The following ELAC2 variants were observed in gnomAD, a reference collection of about 807,000 sequenced individuals.
The protein encoded by ELAC2 is zinc phosphodiesterase ELAC protein 2.
Under a neutral mutation model 105.2 loss-of-function variants are expected in ELAC2, and 92 were observed. The observed-to-expected ratio is 0.87, with a 90% CI of 0.74 to 1.04. The LOEUF is 1.04. ELAC2 is among the 50% of genes least tolerant of loss of function. The pLI is 0.00. For synonymous variants in ELAC2, 468 were observed against 409.1 expected, an observed-to-expected ratio of 1.14 and a Z score of -1.74; for missense variants, 1,099 against 1,071.7, an observed-to-expected ratio of 1.03 and a Z score of -0.36.
In ELAC2 at chr17:12,996,681, C is replaced by G. The variant is rs149866327; in HGVS notation, c.1525G>C (p.Asp509His). The change falls in exon 17 of 24, where the codon GAC becomes CAC. Residue 509 changes from aspartate to histidine, a missense_variant. Coordinates refer to ENST00000338034, the MANE Select transcript of ELAC2 (RefSeq NM_018127.7). ...VSATLVNISP[D>H]TSLLLDCGEG... is the part of the protein sequence containing the mutation. Reference sequence around the variant, plus strand: ...CCACAGTCCAGTAGCAGAGACGTGTCGGGGCTGCAGAAGAGAAGAGGAAGA... The same window carrying G: ...CCACAGTCCAGTAGCAGAGACGTGTGGGGGCTGCAGAAGAGAAGAGGAAGA... 6.2e-7 allele frequency: 1 copy of G among 1,613,264 alleles called. No individual in the cohort carries two copies. Among genetic ancestry groups the G allele is most frequent in the Non-Finnish European group, 8.5e-7 (1 of 1,179,794 alleles).
intron 15 of ELAC2, among the ~76,000 whole-genome samples, chr17:12,999,787 T>C (rs2040675236): frequency 1.3e-5 from 2 of 152,206 alleles, no homozygotes; most frequent in South Asian, 2.1e-4. Flanking sequence ...GTCTCCCGAG[T>C]AGCTGGGACT....
chr17:13,007,364 G>T (rs2041168403), intron 8 of ELAC2, among the ~76,000 whole-genome samples: 1 of 152,112 alleles, frequency 6.6e-6, no homozygotes, highest in Admixed American at 6.5e-5. Context: ...GTAGGGCTGA[G>T]TCTCAAATTT....
chr17:13,009,580 A>G (rs77805960), intron 8 of ELAC2, among the ~76,000 whole-genome samples: 13,021 of 152,298 alleles, frequency 0.085, 769 homozygotes, highest in Middle Eastern at 0.19. Context: ...AGGGGAATGA[A>G]ATAAAGTAAA....
chr17:13,003,799 G>A lies in ELAC2; in HGVS notation c.984-225C>T, dbSNP rs921262951. 7 of 572,802 alleles carry A rather than the reference G, an allele frequency of 1.2e-5. No individual in the cohort carries two copies. In the African/African-American group the frequency reaches 1.3e-4, roughly 11 times the overall value. 35.5% of individuals were successfully genotyped at this position (572,802 alleles called of 1,614,324 possible). On this transcript the variant is annotated intron_variant, in intron 11 of 23. Transcript: ENST00000338034. ...TCCTGTATCTGGCAAGCTCTGCTCT[G>A]GGCTTTCCAGTAGGCCTGGCTGATC...
At chr17:13,015,696 A>G in intron 4 of ELAC2, 72 bp downstream of exon 4, 2 of 1,394,156 alleles carry the variant, frequency 1.4e-6, no homozygotes, top group Non-Finnish European at 2.0e-6. Flanking sequence ...TGATTTGCAA[A>G]AAGGAAAATT....
intron 17 of ELAC2, 158 bp from the exon 18 acceptor site, chr17:12,996,136 C>T (rs1031375358): frequency 1.1e-5 from 9 of 815,224 alleles, no homozygotes; most frequent in South Asian, 1.5e-5. Context: ...GAGCCCCCTG[C>T]GCCATGGCCC....
In ELAC2 at chr17:12,992,320, GC is replaced by G. The variant is rs1343570914; in HGVS notation, c.*497del. On this transcript the variant is annotated 3_prime_UTR_variant, in exon 24 of 24. Transcript: ENST00000338034. ...CAGCTGCCACACTACAGCACAGAGA[GC>G]CTTCTCCAAGGTGGTGCACAGCAGA... The G allele has an allele frequency of 1.2e-5, 3 of 260,420 alleles. No individual in the cohort carries two copies. The highest frequency in any genetic ancestry group is 6.5e-5 in the African/African-American group (3 of 45,950). The allele number at this position is 260,420 out of a possible 1,614,324, so 16.1% of individuals were successfully genotyped here.
chr17:12,997,445 A>G (rs2040532941), intron 16 of ELAC2, among the ~76,000 whole-genome samples: 1 of 152,072 alleles, frequency 6.6e-6, no homozygotes, highest in Non-Finnish European at 1.5e-5. Context: ...CTTCTGGGGG[A>G]AAAAGGAGTC....
intron 4 of ELAC2, among the ~76,000 whole-genome samples, chr17:13,015,391 A>C (rs139903075): frequency 6.6e-6 from 1 of 152,356 alleles, no homozygotes; most frequent in African/African-American, 2.4e-5. Context: ...GCTGGACTGA[A>C]AGGTAAGAAG....
At chr17:12,996,235 G>A (rs2040462504) in intron 17 of ELAC2, 1 of 627,790 alleles carries the variant, frequency 1.6e-6, no homozygotes. Flanking sequence ...CAAGGTGAGG[G>A]TCTCATAGCC....
Position 13,005,016 on chromosome 17 carries a change from G to C in ELAC2, c.956C>G (p.Pro319Arg). 2 of 1,614,088 alleles carry C rather than the reference G, an allele frequency of 1.2e-6. No homozygotes were observed. Among genetic ancestry groups the C allele is most frequent in the African/African-American group, 2.7e-5 (2 of 75,034 alleles). ...CTGAAAGGTGGCATTCTCACAGATG[G>C]GTTGAATGAAGCTTTCATCTGGACA... ...VECPDESFIQ[P>R]ICENATFQRY... Residue 319 changes from proline to arginine, a missense_variant, in exon 11 of 24, where the codon CCC (proline) becomes CGC (arginine). Physicochemically the swap from Pro to Arg is moderately radical, Grantham distance 103. Transcript: ENST00000338034.
Position 13,009,990 on chromosome 17 carries a change from C to CAA in ELAC2, c.738+621_738+622dup, listed in dbSNP as rs1157775345. On this transcript the variant is annotated intron_variant, in intron 8 of 23. Coordinates refer to ENST00000338034, the MANE Select transcript of ELAC2 (RefSeq NM_018127.7). Reference sequence around the variant, plus strand: ...TAGGCGATGGAGACAGACATGGTCTCAAAAAAAAAAAAAAAAAATGTACGG... The same window carrying CAA: ...TAGGCGATGGAGACAGACATGGTCTCAAAAAAAAAAAAAAAAAAAATGTACGG... Among the ~76,000 whole-genome samples, 6 of 76,180 alleles carry CAA rather than the reference C, an allele frequency of 7.9e-5. No individual in the cohort carries two copies. The South Asian group carries it at 1.8e-3, about 23-fold the overall frequency. 50.0% of individuals were successfully genotyped at this position (76,180 alleles called of 152,430 possible).
Position 13,015,751 on chromosome 17 carries a change from T to C in ELAC2, c.432+17A>G, listed in dbSNP as rs751073142. On this transcript the variant is annotated intron_variant, in intron 4 of 23. Transcript: ENST00000338034. ...AAGGAAAGATTGCTTTTGAAAGATG[T>C]GTCAGGAAAGACTCACCAGTTGTGG... 1 of 1,607,162 alleles carries C rather than the reference T, an allele frequency of 6.2e-7. No homozygotes were observed. Among genetic ancestry groups the C allele is most frequent in the Non-Finnish European group, 8.5e-7 (1 of 1,173,632 alleles).
Position 12,994,827 on chromosome 17 carries a change from T to G in ELAC2, c.1966A>C (p.Thr656Pro). ...GAATAGACCACTTTCCAGCCAGAGG[T>G]GTGCACCAGCGCACAGCCAAACGCA... ...KHAFGCALVH[T>P]SGWKVVYSGD... is the part of the protein sequence containing the mutation. Residue 656 changes from threonine (T) to proline (P), a missense_variant, in exon 21 of 24, where the codon ACC (threonine) becomes CCC (proline). Thr to Pro is a conservative substitution (Grantham distance 38). Transcript: ENST00000338034. 1 of 1,613,954 alleles carries G rather than the reference T, an allele frequency of 6.2e-7. No individual in the cohort carries two copies. Among genetic ancestry groups the G allele is most frequent in the Non-Finnish European group, 8.5e-7 (1 of 1,180,024 alleles).
At position 12,992,221 on chromosome 17, in the gene ELAC2, G is replaced by GCTCT. The variant is rs145038540; in HGVS notation, c.*593_*596dup. On this transcript the variant is annotated 3_prime_UTR_variant, in exon 24 of 24. Coordinates refer to ENST00000338034, the MANE Select transcript of ELAC2 (RefSeq NM_018127.7). The stretch of plus-strand genomic sequence containing the variant: ...CAAAAAGACTTGGCGAATAAGGGTG[G>GCTCT]CTCTCTGAGGACAGGTTCCAGAGGT... Among the ~76,000 whole-genome samples, 381 of 152,204 alleles carry GCTCT rather than the reference G, an allele frequency of 2.5e-3. 1 individual carries two copies. The highest frequency in any genetic ancestry group is 8.9e-3 in the African/African-American group (368 of 41,536).
intron 11 of ELAC2, among the ~76,000 whole-genome samples, chr17:13,004,447 T>C (rs2040996757): frequency 6.6e-6 from 1 of 152,170 alleles, no homozygotes; most frequent in Non-Finnish European, 1.5e-5. Context: ...CAAACTCAGA[T>C]AGGTGGGTCA....
chr17:13,001,492 C>CA (rs1176473959), intron 14 of ELAC2, among the ~76,000 whole-genome samples: 3 of 150,998 alleles, frequency 2.0e-5, no homozygotes, highest in Admixed American at 1.3e-4. Context: ...AACTCCGTCT[C>CA]AAAAAAATAA....
intron 17 of ELAC2, chr17:12,996,204 G>C: frequency 1.5e-6 from 1 of 649,840 alleles, no homozygotes; most frequent in Admixed American, 2.6e-5. Context: ...CAACGGCCCA[G>C]GGCCCGGCAC....
At chr17:13,007,089 C>A (rs148410087) in intron 8 of ELAC2, among the ~76,000 whole-genome samples, 1 of 148,132 alleles carries the variant, frequency 6.8e-6, no homozygotes, top group Non-Finnish European at 1.5e-5. Flanking sequence ...CCAGCCTGGG[C>A]GACAGAGTGA....
Sources: allele counts gnomAD v4.1 joint callset (sites outside exome capture counted in the v4.1 genomes callset), GRCh38; gene constraint gnomAD v4.1.1; transcripts MANE v1.5; gene names NCBI Gene and HGNC (gene_info 2026-07-23, HGNC 2026-07-21).